PDIA5: variants seen among roughly 807,000 people sequenced by gnomAD.
The protein encoded by PDIA5 is protein disulfide-isomerase A5.
In PDIA5, 58 loss-of-function variants were observed where a neutral mutation model predicts 77.6. The observed-to-expected ratio is 0.75, with a 90% CI of 0.61 to 0.93. PDIA5 has a LOEUF of 0.93. PDIA5 is among the 40% of genes least tolerant of loss of function. The pLI, the probability that PDIA5 is intolerant of heterozygous loss-of-function variation, is 0.00. For synonymous variants in PDIA5, 250 were observed against 252.1 expected (o/e 0.99, Z 0.08); for missense variants, 630 against 647.7 (o/e 0.97, Z 0.30).
At chr3:123,093,632 A>G (rs1934354862) in intron 3 of PDIA5, among the ~76,000 whole-genome samples, 1 of 152,164 alleles carries the variant, frequency 6.6e-6, no homozygotes, top group Non-Finnish European at 1.5e-5. Flanking sequence ...GGCATTTACT[A>G]TGTGCTTTGA....
intron 1 of PDIA5, among the ~76,000 whole-genome samples, chr3:123,079,572 CTGT>C (rs1560496227): frequency 6.6e-6 from 1 of 152,134 alleles, no homozygotes; most frequent in Non-Finnish European, 1.5e-5. Context: ...TGTAACCATT[CTGT>C]TGTTGTTGGA....
intron 2 of PDIA5, among the ~76,000 whole-genome samples, chr3:123,090,064 G>A (rs537374041): frequency 2.2e-3 from 334 of 152,308 alleles, no homozygotes; most frequent in Non-Finnish European, 3.7e-3. Flanking sequence ...GGCCAGTTCC[G>A]GGCAAAGTTT....
chr3:123,102,281 T>G (rs1934621012), intron 3 of PDIA5, 130 bp from the exon 4 acceptor site: 1 of 698,004 alleles, frequency 1.4e-6, no homozygotes, highest in African/African-American at 1.8e-5. Context: ...CCATCTATAG[T>G]AAGGCCTTCA....
At chr3:123,112,689 C>G (rs1195580356) in intron 7 of PDIA5, among the ~76,000 whole-genome samples, 1 of 151,938 alleles carries the variant, frequency 6.6e-6, no homozygotes, top group Non-Finnish European at 1.5e-5. Flanking sequence ...TCCCGAGTAG[C>G]TGGGACTATA....
intron 8 of PDIA5, among the ~76,000 whole-genome samples, chr3:123,119,569 C>T (rs375230070): frequency 2.0e-5 from 3 of 152,218 alleles, no homozygotes; most frequent in East Asian, 3.9e-4. Context: ...GGCCGCTGCA[C>T]GCATCACCCA....
At chr3:123,138,883 C>T (rs984086809) in intron 11 of PDIA5, among the ~76,000 whole-genome samples, 1 of 152,192 alleles carries the variant, frequency 6.6e-6, no homozygotes, top group Non-Finnish European at 1.5e-5. Flanking sequence ...ACCCTGGCTA[C>T]CAGGGAGCTT....
At chr3:123,105,748 C>T (rs1934711985) in intron 5 of PDIA5, among the ~76,000 whole-genome samples, 1 of 152,062 alleles carries the variant, frequency 6.6e-6, no homozygotes, top group Non-Finnish European at 1.5e-5. Flanking sequence ...CGCACACACA[C>T]ACACACACAC....
chr3:123,110,645 G>A (rs567221788), intron 6 of PDIA5, among the ~76,000 whole-genome samples: 15 of 152,298 alleles, frequency 9.8e-5, no homozygotes, highest in African/African-American at 3.4e-4. Flanking sequence ...TGGTCCTCAC[G>A]ACTCCCTCTC....
At chr3:123,114,475 C>A (rs910341221) in intron 7 of PDIA5, among the ~76,000 whole-genome samples, 2 of 152,224 alleles carry the variant, frequency 1.3e-5, no homozygotes, top group African/African-American at 4.8e-5. Flanking sequence ...GATAGGGAAG[C>A]CGAGGCTTGG....
chr3:123,143,386 C>CAAAA (rs34525470), intron 11 of PDIA5, among the ~76,000 whole-genome samples: 1 of 101,922 alleles, frequency 9.8e-6, no homozygotes, highest in East Asian at 2.7e-4. Flanking sequence ...GACTCCATCT[C>CAAAA]AAAAAAAAAA....
intron 1 of PDIA5, among the ~76,000 whole-genome samples, chr3:123,081,757 A>G (rs1934011483): frequency 6.6e-6 from 1 of 152,112 alleles, no homozygotes; most frequent in Non-Finnish European, 1.5e-5. Context: ...TAAATCTATA[A>G]TGACAGACGG....
intron 14 of PDIA5, among the ~76,000 whole-genome samples, chr3:123,152,582 G>C (rs767231874): frequency 1.1e-4 from 17 of 151,924 alleles, no homozygotes; most frequent in African/African-American, 4.1e-4. Flanking sequence ...ATATATGAAG[G>C]ATCTAAACAC....
chr3:123,092,590 C>T, intron 3 of PDIA5, 148 bp downstream of exon 3: 2 of 660,974 alleles, frequency 3.0e-6, no homozygotes, highest in Non-Finnish European at 5.4e-6. Context: ...TTCGAGGTCA[C>T]CTCTGGACTG....
At position 123,161,856 on chromosome 3, in the gene PDIA5, T is replaced by G. The variant is rs74668690; in HGVS notation, c.1480-24T>G. 1.4e-3 allele frequency: 2,076 copies of G among 1,457,904 alleles called. 29 individuals are homozygous for G. The African/African-American group carries it at 0.026, about 18-fold the overall frequency. 90.3% of individuals were successfully genotyped at this position (1,457,904 alleles called of 1,614,324 possible). A position where few individuals can be genotyped will look rare whatever the true frequency, so the allele number is the denominator to read the frequency against. ...CTCAGGGATTAAAGCTCTTTCTCTC[T>G]CTCTCTCTCCCACTTCCCTGCAGGA... On this transcript the variant is annotated intron_variant, in intron 16 of 16. Coordinates refer to ENST00000316218, the MANE Select transcript of PDIA5 (RefSeq NM_006810.4).
At chr3:123,146,402 C>T (rs1935774346) in intron 13 of PDIA5, 143 bp downstream of exon 13, 1 of 669,352 alleles carries the variant, frequency 1.5e-6, no homozygotes, top group Non-Finnish European at 2.6e-6. Flanking sequence ...TTCCTCAACC[C>T]TAAAACCACC....
intron 1 of PDIA5, among the ~76,000 whole-genome samples, chr3:123,087,542 G>A (rs1161051959): frequency 2.0e-5 from 3 of 150,682 alleles, no homozygotes; most frequent in Admixed American, 2.0e-4. Flanking sequence ...AGATTTTCAC[G>A]ATTCTCTGAG....
At chr3:123,072,912 C>CTCTGTGTGTGTGTGTGTGTGTGTG (rs1933760331) in intron 1 of PDIA5, among the ~76,000 whole-genome samples, 1 of 146,824 alleles carries the variant, frequency 6.8e-6, no homozygotes, top group African/African-American at 2.6e-5. Flanking sequence ...ACCTCTCCTT[C>CTCTGTGTGTGTGTGTGTGTGTGTG]TGTGTGTGTG....
chr3:123,109,988 GA>G (rs765177622), intron 6 of PDIA5, among the ~76,000 whole-genome samples: 14 of 152,148 alleles, frequency 9.2e-5, no homozygotes, highest in Non-Finnish European at 1.6e-4. Context: ...GCTGCATTTT[GA>G]AATTTTCTTA....
At chr3:123,102,640 A>G (rs901862909) in intron 4 of PDIA5, 111 bp from the exon 5 acceptor site, 11 of 1,116,904 alleles carry the variant, frequency 9.8e-6, no homozygotes, top group Admixed American at 2.0e-5. Flanking sequence ...TTAAAAAAAA[A>G]TCCTGAACTC....
Sources: gnomAD v4.1 joint callset for allele counts (sites outside exome capture counted in the v4.1 genomes callset) on GRCh38, gnomAD v4.1.1 for gene constraint, MANE v1.5 for transcripts, NCBI Gene and HGNC (gene_info 2026-07-23, HGNC 2026-07-21) for gene names.